RBFOX1: variants seen among roughly 807,000 people sequenced by gnomAD.
RBFOX1 encodes the protein RNA binding fox-1 homolog 1.
Under a neutral mutation model 57.7 loss-of-function variants are expected in RBFOX1, and 8 were observed. The ratio of observed to expected loss-of-function variants is 0.14; its 90% CI spans 0.08 to 0.25. The LOEUF is 0.25. Among genes scored for constraint, RBFOX1 ranks in the 10% least tolerant of loss-of-function variants. The probability of loss-of-function intolerance (pLI) is 1.00; values close to 1 mark genes in which losing one functional copy is unlikely to be tolerated. For missense variants in RBFOX1, 611 were observed against 548.5 expected, an observed-to-expected ratio of 1.11 and a Z score of -1.14; for synonymous variants, 326 against 222.4, an observed-to-expected ratio of 1.47 and a Z score of -4.15.
chr16:7,604,087 G>A (rs922296535), intron 9 of RBFOX1, among the ~76,000 whole-genome samples: 9 of 152,070 alleles, frequency 5.9e-5, no homozygotes, highest in African/African-American at 9.7e-5. Context: ...TCACACATGG[G>A]GTATGAGGGT....
intron 1 of RBFOX1, among the ~76,000 whole-genome samples, chr16:6,035,690 C>G (rs896252426): frequency 6.6e-6 from 1 of 152,220 alleles, no homozygotes; most frequent in Non-Finnish European, 1.5e-5. Context: ...TTTCCCCCCT[C>G]ATCAGCGTCA....
intron 4 of RBFOX1, among the ~76,000 whole-genome samples, chr16:7,512,620 A>T (rs758507789): frequency 5.3e-5 from 8 of 152,190 alleles, no homozygotes; most frequent in Non-Finnish European, 1.0e-4. Context: ...CTCCTTGGCT[A>T]CCATGGACTC....
At chr16:5,365,335 A>G (rs1299673200) in intron 1 of RBFOX1, among the ~76,000 whole-genome samples, 2 of 152,290 alleles carry the variant, frequency 1.3e-5, no homozygotes, top group East Asian at 1.9e-4. Context: ...CCTGTCACAC[A>G]TCACCCAACA....
In RBFOX1 at chr16:6,920,088, T is replaced by A. The variant is rs1361447904; in HGVS notation, c.-15-131969T>A. On this transcript the variant is annotated intron_variant, in intron 3 of 15. Transcript: ENST00000550418. ...CTTAGAATAATGGCATCCAACTCCA[T>A]CCAAGTTGCTGCATAGGCCATTATT... Among the ~76,000 whole-genome samples the A allele has an allele frequency of 2.6e-5, 4 of 152,190 alleles. No homozygotes were observed. The South Asian group carries it at 6.2e-4, about 24-fold the overall frequency.
At chr16:5,958,827 G>A (rs1015741285) in intron 4 of RBFOX1, among the ~76,000 whole-genome samples, 1 of 152,090 alleles carries the variant, frequency 6.6e-6, no homozygotes, top group Non-Finnish European at 1.5e-5. Flanking sequence ...TGATACTATT[G>A]TCTCTGCATA....
chr16:6,187,794 G>A (rs573484901), intron 1 of RBFOX1, among the ~76,000 whole-genome samples: 3 of 152,214 alleles, frequency 2.0e-5, no homozygotes, highest in Non-Finnish European at 4.4e-5. Flanking sequence ...ATTAACAAAC[G>A]TTTGCCAGAC....
intron 3 of RBFOX1, among the ~76,000 whole-genome samples, chr16:5,814,093 A>G (rs2055533228): frequency 6.6e-6 from 1 of 152,198 alleles, no homozygotes; most frequent in Admixed American, 6.5e-5. Context: ...CTCGAAGTTA[A>G]CTAACCTGTA....
At chr16:6,764,992 A>G (rs2077127770) in intron 3 of RBFOX1, among the ~76,000 whole-genome samples, 1 of 151,992 alleles carries the variant, frequency 6.6e-6, no homozygotes, top group South Asian at 2.1e-4. Flanking sequence ...GTAATGGAGA[A>G]TCATAATGTG....
chr16:7,548,576 AG>A (rs1325939417), intron 5 of RBFOX1, among the ~76,000 whole-genome samples: 1 of 152,214 alleles, frequency 6.6e-6, no homozygotes, highest in Admixed American at 6.5e-5. Flanking sequence ...AACCAATGCA[AG>A]GGGCAAATGC....
intron 3 of RBFOX1, among the ~76,000 whole-genome samples, chr16:6,923,574 G>C (rs555050954): frequency 6.6e-6 from 1 of 152,010 alleles, no homozygotes; most frequent in Admixed American, 6.6e-5. Context: ...TGTTAATCAT[G>C]GCTGACCATT....
intron 3 of RBFOX1, among the ~76,000 whole-genome samples, chr16:6,819,723 A>AC (rs1567396424): frequency 6.9e-6 from 1 of 144,526 alleles, no homozygotes; most frequent in Non-Finnish European, 1.5e-5. Flanking sequence ...AAAAAAAAAA[A>AC]AAAAAAAATA....
chr16:5,843,357 T>C (rs2056674241), intron 3 of RBFOX1, among the ~76,000 whole-genome samples: 1 of 152,230 alleles, frequency 6.6e-6, no homozygotes, highest in African/African-American at 2.4e-5. Context: ...GTTCTCATTA[T>C]TTAGCTCCTA....
intron 3 of RBFOX1, among the ~76,000 whole-genome samples, chr16:5,773,487 G>T (rs1487580421): frequency 6.6e-6 from 1 of 152,170 alleles, no homozygotes; most frequent in Non-Finnish European, 1.5e-5. Flanking sequence ...GATTCTAACA[G>T]TTGCATAATT....
chr16:7,456,231 T>C lies in RBFOX1; in HGVS notation c.28-61916T>C, dbSNP rs192922653. ...CATCCCTTTAACAGTTCCTCCACGT[T>C]AGGACCCTCCTCTCAACATTGCCTA... On this transcript the variant is annotated intron_variant, in intron 4 of 15. Transcript: ENST00000550418. Among the ~76,000 whole-genome samples the C allele has an allele frequency of 2.1e-3, 319 of 152,310 alleles. 2 individuals are homozygous for C. The highest frequency in any genetic ancestry group is 7.3e-3 in the African/African-American group (305 of 41,564).
At chr16:7,406,813 A>C (rs1419431421) in intron 4 of RBFOX1, among the ~76,000 whole-genome samples, 3 of 152,236 alleles carry the variant, frequency 2.0e-5, no homozygotes, top group Admixed American at 2.0e-4. Context: ...AGGCTTCTGC[A>C]GGGCTGTTTC....
intron 4 of RBFOX1, among the ~76,000 whole-genome samples, chr16:7,513,324 A>T (rs2075632104): frequency 6.6e-6 from 1 of 152,102 alleles, no homozygotes; most frequent in Non-Finnish European, 1.5e-5. Flanking sequence ...ACTCCCCACC[A>T]GGTGATTCTC....
intron 1 of RBFOX1, among the ~76,000 whole-genome samples, chr16:5,298,332 T>C (rs951791378): frequency 6.6e-6 from 1 of 152,280 alleles, no homozygotes; most frequent in African/African-American, 2.4e-5. Context: ...AATTTTGAAG[T>C]AATAGTAAGA....
intron 4 of RBFOX1, among the ~76,000 whole-genome samples, chr16:7,192,490 C>G (rs918904087): frequency 6.6e-6 from 1 of 152,180 alleles, no homozygotes; most frequent in African/African-American, 2.4e-5. Context: ...TTAGCAAGCA[C>G]TCTTCACTTT....
At chr16:6,944,429 AAAG>A (rs1220076944) in intron 3 of RBFOX1, among the ~76,000 whole-genome samples, 5 of 151,914 alleles carry the variant, frequency 3.3e-5, no homozygotes, top group Admixed American at 2.0e-4. Context: ...AGAAAAGAAA[AAAG>A]AAGACCACAC....
Sources: gnomAD v4.1 joint callset for allele counts (sites outside exome capture counted in the v4.1 genomes callset) on GRCh38, gnomAD v4.1.1 for gene constraint, MANE v1.5 for transcripts, NCBI Gene and HGNC (gene_info 2026-07-23, HGNC 2026-07-21) for gene names.